The following ELN variants were observed in gnomAD, a reference collection of about 807,000 sequenced individuals.
ELN encodes the protein tropoelastin.
Under a neutral mutation model 105.8 loss-of-function variants are expected in ELN, and 65 were observed. The ratio of observed to expected loss-of-function variants is 0.61; its 90% CI spans 0.50 to 0.75. ELN has a LOEUF of 0.75. Ranked by LOEUF, ELN falls within the 30% of genes least tolerant of loss-of-function variation. The pLI is 0.00. For missense variants in ELN, 882 were observed against 969.4 expected (o/e 0.91, Z 1.20); for synonymous variants, 368 against 389.2 (o/e 0.95, Z 0.64).
intron 1 of ELN, among the ~76,000 whole-genome samples, 173 bp from the exon 2 acceptor site, chr7:74,035,191 T>C (rs1334145448): frequency 2.0e-5 from 3 of 152,258 alleles, no homozygotes; most frequent in Admixed American, 2.0e-4. Flanking sequence ...ACACACTTTG[T>C]AAACAGAAAC....
chr7:74,065,657 T>C (rs1797777476), intron 29 of ELN, 37 bp from the exon 30 acceptor site: 2 of 1,611,120 alleles, frequency 1.2e-6, no homozygotes, highest in Middle Eastern at 3.3e-4. Flanking sequence ...CAGGTGGCAT[T>C]GGCATTCCTG....
chr7:74,039,625 G>A (rs559776554), intron 4 of ELN, among the ~76,000 whole-genome samples: 32 of 152,374 alleles, frequency 2.1e-4, no homozygotes, highest in African/African-American at 7.2e-4. Context: ...GGACCAGGCA[G>A]CTGGAAGCCT....
chr7:74,056,467 T>C, intron 20 of ELN, 32 bp downstream of exon 20: 3 of 1,612,704 alleles, frequency 1.9e-6, no homozygotes, highest in Non-Finnish European at 1.7e-6. Context: ...GGACATGGGT[T>C]GAGAAGGGAT....
At chr7:74,068,513 T>A in intron 32 of ELN, 144 bp from the exon 33 acceptor site, 1 of 885,908 alleles carries the variant, frequency 1.1e-6, no homozygotes, top group South Asian at 1.5e-5. Context: ...ATGGCATGGA[T>A]CAGGTCTGAG....
chr7:74,067,777 A>C (rs1373305726), intron 32 of ELN, among the ~76,000 whole-genome samples: 1 of 150,740 alleles, frequency 6.6e-6, no homozygotes. Context: ...AAAAAAAAAA[A>C]ATTAGCCAGG....
chr7:74,048,900 C>T (rs1310430786), intron 15 of ELN, among the ~76,000 whole-genome samples: 1 of 151,868 alleles, frequency 6.6e-6, no homozygotes, highest in Non-Finnish European at 1.5e-5. Context: ...TCCCTCCATC[C>T]ATTCATCCAT....
chr7:74,052,615 CAGGAAGGAAGGA>C (rs532589953), intron 17 of ELN: 4 of 141,236 alleles, frequency 2.8e-5, no homozygotes, highest in Non-Finnish European at 4.0e-5. Context: ...AAGAGAGAGA[CAGGAAGGAAGGA>C]AGGAAGGAAG....
intron 17 of ELN, chr7:74,052,266 T>C: frequency 2.0e-6 from 1 of 509,532 alleles, no homozygotes; most frequent in Admixed American, 3.2e-5. Flanking sequence ...ATCAACTAAA[T>C]GGGTGCCCAG....
chr7:74,028,957 G>A (rs781889543), intron 1 of ELN, among the ~76,000 whole-genome samples: 3 of 152,150 alleles, frequency 2.0e-5, no homozygotes, highest in Non-Finnish European at 4.4e-5. Context: ...GTGTTCAGAT[G>A]CCCGGCTGTG....
chr7:74,041,328 C>T (rs782609426), intron 5 of ELN, 77 bp downstream of exon 5: 197 of 1,580,346 alleles, frequency 1.2e-4, no homozygotes, highest in Non-Finnish European at 1.6e-4. Flanking sequence ...GTATGCAGCA[C>T]GGTCATGGAA....
intron 12 of ELN, among the ~76,000 whole-genome samples, chr7:74,047,332 G>A (rs1156333203): frequency 2.0e-5 from 3 of 152,200 alleles, no homozygotes; most frequent in Non-Finnish European, 4.4e-5. Flanking sequence ...TCATTGGAAA[G>A]ATCCCTCTAA....
intron 17 of ELN, chr7:74,052,907 G>T: frequency 1.8e-6 from 1 of 553,536 alleles, no homozygotes; most frequent in Non-Finnish European, 3.2e-6. Flanking sequence ...GAAAGAAAGA[G>T]AAAGGAAGGA....
intron 4 of ELN, 149 bp from the exon 5 acceptor site, chr7:74,041,067 T>G: frequency 1.0e-6 from 1 of 971,284 alleles, no homozygotes; most frequent in Non-Finnish European, 1.7e-6. Context: ...GATGCTATTT[T>G]ATCAGGATCG....
rs370961040 is a variant in ELN, at chr7:74,037,752, G to T, written c.196+13G>T. 1 of 1,610,974 alleles carries T rather than the reference G, an allele frequency of 6.2e-7. No individual in the cohort carries two copies. The highest frequency in any genetic ancestry group is 8.5e-7 in the Non-Finnish European group (1 of 1,178,728). On this transcript the variant is annotated intron_variant, in intron 4 of 32. Transcript: ENST00000252034. ...CCTCTTAAGCCAGGTAAGACCCAAG[G>T]CCTCGGAGCATTGAGAGACAGCGAG...
chr7:74,068,437 G>A (rs1312877257), intron 32 of ELN, among the ~76,000 whole-genome samples: 6 of 152,192 alleles, frequency 3.9e-5, no homozygotes, highest in African/African-American at 1.4e-4. Flanking sequence ...CCTTTTCTGC[G>A]AGCGTTGGTT....
intron 2 of ELN, chr7:74,035,628 G>T: frequency 1.5e-6 from 1 of 649,594 alleles, no homozygotes; most frequent in African/African-American, 1.8e-5. Context: ...TCAACACTCT[G>T]GGAGGCAGAG....
chr7:74,063,303 T>C lies in ELN; in HGVS notation c.1859-7T>C. The C allele has an allele frequency of 6.4e-7, 1 of 1,557,728 alleles. No individual in the cohort carries two copies. Among genetic ancestry groups the C allele is most frequent in the Non-Finnish European group, 8.7e-7 (1 of 1,150,996 alleles). ...AGTGCCTCCCTGAACTCGGTCTGTG[T>C]TCCCAGGAGCCGGACCCGCCGCCGC... On this transcript the variant is annotated splice_region_variant and splice_polypyrimidine_tract_variant and intron_variant, in intron 27 of 32. Transcript: ENST00000252034. The surrounding 1 kb of genome is among the most constrained non-coding windows in gnomAD (Gnocchi z 4.1).
chr7:74,059,981 G>T lies in ELN; in HGVS notation c.1510G>T (p.Ala504Ser), dbSNP rs1554683007. Reference protein sequence around the residue: ...GVGLAPGVGVAPGVGVAPGVG... With the variant: ...GVGLAPGVGVSPGVGVAPGVG... ...TGGCTTGGCTCCTGGAGTTGGCGTG[G>T]CTCCTGGAGTTGGTGTGGCTCCTGG... The change falls in exon 23 of 33, where the codon GCT (alanine) becomes TCT (serine). Residue 504 changes from alanine to serine, a missense_variant. Ala to Ser is a moderately conservative substitution (Grantham distance 99). Coordinates refer to ENST00000252034, the MANE Select transcript of ELN (RefSeq NM_000501.4). 1.2e-6 allele frequency: 2 copies of T among 1,613,930 alleles called. No homozygotes were observed. Among genetic ancestry groups the T allele is most frequent in the Admixed American group, 1.7e-5 (1 of 60,000 alleles).
At chr7:74,051,256 G>A (rs1265037828) in intron 15 of ELN, among the ~76,000 whole-genome samples, 2 of 152,214 alleles carry the variant, frequency 1.3e-5, no homozygotes, top group African/African-American at 4.8e-5. Context: ...GGGCCTCCCA[G>A]TGGAGGCCCC....
Sources: allele counts gnomAD v4.1 joint callset (sites outside exome capture counted in the v4.1 genomes callset), GRCh38; gene constraint gnomAD v4.1.1; non-coding constraint Gnocchi (gnomAD v3.1); transcripts MANE v1.5; gene names NCBI Gene and HGNC (gene_info 2026-07-23, HGNC 2026-07-21).